GBF1: variants seen among roughly 807,000 people sequenced by gnomAD.
GBF1 encodes golgi brefeldin A resistant guanine nucleotide exchange factor 1.
GBF1 carries 114 observed loss-of-function variants against 210.5 expected under a neutral mutation model. The observed-to-expected ratio is 0.54, with a 90% CI of 0.47 to 0.63. GBF1 has a LOEUF of 0.63. Among genes scored for constraint, GBF1 ranks in the 30% least tolerant of loss-of-function variants. The pLI is 0.00. For missense variants in GBF1, 1,851 were observed against 2,357.7 expected (o/e 0.79, Z 4.45); for synonymous variants, 850 against 889.2 (o/e 0.96, Z 0.78).
At chr10:102,238,649 C>G in the GBF1 span, among the ~76,000 whole-genome samples, 4 of 152,236 alleles carry the variant, frequency 2.6e-5, no homozygotes, top group Admixed American at 2.6e-4. Flanking sequence ...TTATATGATG[C>G]TCCTCCATTT....
chr10:102,304,703 G>A (rs1341325358), intron 3 of GBF1, among the ~76,000 whole-genome samples: 4 of 152,032 alleles, frequency 2.6e-5, no homozygotes, highest in Non-Finnish European at 4.4e-5. Flanking sequence ...GAACCTGGGA[G>A]GTGGAGGTTG....
rs977960204 is a variant in GBF1, at chr10:102,258,848, T to C, written c.-10-81T>C. ...AAAAGTTAAATCACAATTCTAACCT[T>C]ATCAGGTACTGATTTTTAAACTTGG... is the stretch of plus-strand genomic sequence containing the variant. On this transcript the variant is annotated intron_variant, in intron 1 of 39. Transcript: ENST00000369983. 6.8e-6 allele frequency: 5 copies of C among 739,828 alleles called. No homozygotes were observed. The African/African-American group carries it at 7.0e-5, about 10-fold the overall frequency. The allele number at this position is 739,828 out of a possible 1,614,324, so 45.8% of individuals were successfully genotyped here.
intron 3 of GBF1, among the ~76,000 whole-genome samples, chr10:102,304,345 C>T (rs11591372): frequency 0.13 from 19,403 of 151,934 alleles, 1,494 homozygotes; most frequent in Non-Finnish European, 0.17. Flanking sequence ...CTTCGAATGC[C>T]GTATGTGGTT....
Position 102,377,140 on chromosome 10 carries a change from C to T in GBF1, c.4494C>T (p.Asp1498=), listed in dbSNP as rs138373886. 4.3e-5 allele frequency: 70 copies of T among 1,610,590 alleles called. No homozygotes were observed. Among genetic ancestry groups the T allele is most frequent in the Middle Eastern group, 1.7e-4 (1 of 6,036 alleles). Residue 1498 remains aspartate (D), a splice_region_variant and synonymous_variant, in exon 33 of 40, where the codon GAC becomes GAT. Coordinates refer to ENST00000369983, the MANE Select transcript of GBF1 (RefSeq NM_001377137.1). ...CGGTGTCTTTACAGGTCAGTCAGGA[C>T]GTAAGTATGGCACCCTTTACTTCCT... The part of the protein sequence containing the change: ...YHTVSLQVSQ[D]LLDLMHTLHT...
rs2135009343 is a variant in GBF1 at position 102,360,197 on chromosome 10, C to T, written c.1194C>T (p.Val398=). 2.5e-6 allele frequency: 4 copies of T among 1,612,082 alleles called. No homozygotes were observed. Among genetic ancestry groups the T allele is most frequent in the Admixed American group, 1.7e-5 (1 of 60,018 alleles). ...GGCCTTCCCCAGGCACAGCTTTGGT[C>T]CCCTATGGTCTTCCCTGCATCCGCG... ...QSSQKEGTAL[V]PYGLPCIREL... is the part of the protein sequence containing the mutation. Residue 398 remains valine (V), a synonymous_variant, in exon 12 of 40, where the codon GTC becomes GTT. Coordinates refer to ENST00000369983, the MANE Select transcript of GBF1 (RefSeq NM_001377137.1).
chr10:102,368,075 G>A (rs1216479057), intron 21 of GBF1, 143 bp from the exon 22 acceptor site: 7 of 682,552 alleles, frequency 1.0e-5, no homozygotes, highest in Admixed American at 6.5e-5. Context: ...GCTCCCACTG[G>A]TGGGTGGAAA....
chr10:102,320,630 C>T (rs977196166), intron 3 of GBF1, among the ~76,000 whole-genome samples: 1 of 152,112 alleles, frequency 6.6e-6, no homozygotes, highest in African/African-American at 2.4e-5. Context: ...CTTTTCTGCT[C>T]TGCTTATATT....
chr10:102,357,931 A>G, intron 8 of GBF1, 108 bp from the exon 9 acceptor site: 2 of 762,666 alleles, frequency 2.6e-6, no homozygotes, highest in Non-Finnish European at 4.6e-6. Context: ...TAGCAAAGAT[A>G]TGGGGTATAG....
intron 27 of GBF1, 66 bp from the exon 28 acceptor site, chr10:102,370,318 T>A: frequency 6.8e-7 from 1 of 1,474,860 alleles, no homozygotes; most frequent in South Asian, 1.1e-5. Context: ...GTATTATTTC[T>A]GTCAGGGCAG....
chr10:102,357,948 T>C, intron 8 of GBF1, 91 bp from the exon 9 acceptor site: 1 of 873,170 alleles, frequency 1.1e-6, no homozygotes, highest in Admixed American at 1.8e-5. Flanking sequence ...ATAGCTTGTT[T>C]TCTAGAGATC....
chr10:102,323,562 C>CT (rs1192603021), intron 3 of GBF1, among the ~76,000 whole-genome samples: 6 of 149,208 alleles, frequency 4.0e-5, no homozygotes, highest in Non-Finnish European at 7.4e-5. Context: ...CATGTTTGCA[C>CT]TTTTTTTTCT....
intron 1 of GBF1, among the ~76,000 whole-genome samples, chr10:102,257,433 C>T (rs1565020125): frequency 6.6e-6 from 1 of 152,152 alleles, no homozygotes; most frequent in Non-Finnish European, 1.5e-5. Context: ...CTCAGCCTCC[C>T]CAGTAACTAG....
chr10:102,232,542 C>T, the GBF1 span, among the ~76,000 whole-genome samples: 3 of 151,998 alleles, frequency 2.0e-5, no homozygotes, highest in Non-Finnish European at 4.4e-5. Context: ...AATTGCTGGG[C>T]GGGGTGGCAC....
intron 3 of GBF1, among the ~76,000 whole-genome samples, chr10:102,261,152 T>C (rs762671435): frequency 1.3e-5 from 2 of 152,194 alleles, no homozygotes; most frequent in African/African-American, 2.4e-5. Flanking sequence ...TTCAGGCCTC[T>C]GTTGCCTGGT....
intron 1 of GBF1, among the ~76,000 whole-genome samples, chr10:102,251,201 T>C (rs985207704): frequency 4.6e-5 from 7 of 152,190 alleles, no homozygotes; most frequent in African/African-American, 1.7e-4. Flanking sequence ...ATATGGCTGG[T>C]AGGTAAATGT....
intron 3 of GBF1, among the ~76,000 whole-genome samples, chr10:102,302,057 G>A (rs1211607685): frequency 6.6e-6 from 1 of 152,238 alleles, no homozygotes; most frequent in East Asian, 1.9e-4. Flanking sequence ...GCGGTTAGGA[G>A]CTGGAGACCA....
intron 3 of GBF1, among the ~76,000 whole-genome samples, chr10:102,261,140 A>G (rs915447767): frequency 3.9e-5 from 6 of 152,180 alleles, no homozygotes; most frequent in African/African-American, 1.4e-4. Flanking sequence ...TCAAAACTAG[A>G]ATTCAGGCCT....
At position 102,363,407 on chromosome 10, in the gene GBF1, G is replaced by C; in HGVS notation, c.2017+11G>C. ...CTGTTGACTCTGGGGGTGGGTACTGGGTGTCCATGACCCTAAGCTCCTCAC... is the reference window on the plus strand; with the variant it reads ...CTGTTGACTCTGGGGGTGGGTACTGCGTGTCCATGACCCTAAGCTCCTCAC... On this transcript the variant is annotated intron_variant, in intron 16 of 39. Coordinates refer to ENST00000369983, the MANE Select transcript of GBF1 (RefSeq NM_001377137.1). This position sits in a 1 kb window ranked among gnomAD's most constrained non-coding sequence, Gnocchi z 4.2. The C allele has an allele frequency of 6.2e-7, 1 of 1,611,150 alleles. No individual in the cohort carries two copies.
chr10:102,231,528 G>C, the GBF1 span: 16 of 1,162,848 alleles, frequency 1.4e-5, no homozygotes, highest in Non-Finnish European at 2.0e-5. Flanking sequence ...CTGGCCTCCG[G>C]GTCGCAGGCT....
Sources: allele counts gnomAD v4.1 joint callset (sites outside exome capture counted in the v4.1 genomes callset), GRCh38; gene constraint gnomAD v4.1.1; non-coding constraint Gnocchi (gnomAD v3.1); transcripts MANE v1.5; gene names NCBI Gene and HGNC (gene_info 2026-07-23, HGNC 2026-07-21).